LGALS3: variants seen among roughly 807,000 people sequenced by gnomAD.
The protein encoded by LGALS3 is galectin 3.
Under a neutral mutation model 20.7 loss-of-function variants are expected in LGALS3, and 18 were observed. That is an observed-to-expected ratio of 0.87 (90% confidence interval 0.60 to 1.29). The LOEUF (loss-of-function observed/expected upper bound fraction) is 1.29, where lower values mean the gene tolerates loss of function less well. Ranked by LOEUF, LGALS3 falls within the 50% of genes most tolerant of loss-of-function variation. The pLI, the probability that LGALS3 is intolerant of heterozygous loss-of-function variation, is 0.00. For synonymous variants in LGALS3, 112 were observed against 119.6 expected, an observed-to-expected ratio of 0.94 and a Z score of 0.42; for missense variants, 315 against 314.7, an observed-to-expected ratio of 1.00 and a Z score of -0.01.
intron 4 of LGALS3, among the ~76,000 whole-genome samples, chr14:55,141,850 A>C (rs1008884095): frequency 7.9e-5 from 12 of 152,204 alleles, no homozygotes; most frequent in Admixed American, 2.6e-4. Flanking sequence ...AAATACGAAT[A>C]CCTACTGATG....
In LGALS3 at chr14:55,145,159, A is replaced by G. The variant is rs1371483961; in HGVS notation, c.641A>G (p.Asn214Ser). 1 of 1,614,004 alleles carries G rather than the reference A, an allele frequency of 6.2e-7. No homozygotes were observed. The highest frequency in any genetic ancestry group is 1.1e-5 in the South Asian group (1 of 91,076). Residue 214 changes from asparagine to serine, a missense_variant, in exon 6 of 6, where the codon AAT becomes AGT. Transcript: ENST00000254301. ...VEPDHFKVAVNDAHLLQYNHR... is the reference protein window; with the variant it reads ...VEPDHFKVAVSDAHLLQYNHR... ...CCTGACCACTTCAAGGTTGCAGTGA[A>G]TGATGCTCACTTGTTGCAGTACAAT...
chr14:55,129,326 G>C lies in LGALS3; in HGVS notation c.-5+26G>C, dbSNP rs1881156344. ...GTGAGCTGCGCGGGGCGCGGGGGACGCGGCTCCGGCCGGGCAGGGGAGAGG... is the reference window on the plus strand; with the variant it reads ...GTGAGCTGCGCGGGGCGCGGGGGACCCGGCTCCGGCCGGGCAGGGGAGAGG... On this transcript the variant is annotated intron_variant, in intron 1 of 5. Transcript: ENST00000254301. This position sits in a 1 kb window ranked among gnomAD's most constrained non-coding sequence, Gnocchi z 5.3. 6.6e-6 allele frequency: 1 copy of C among 151,736 alleles called. No individual in the cohort carries two copies. Among genetic ancestry groups the C allele is most frequent in the African/African-American group, 2.4e-5 (1 of 41,384 alleles). 9.4% of individuals were successfully genotyped at this position (151,736 alleles called of 1,614,324 possible).
intron 4 of LGALS3, among the ~76,000 whole-genome samples, chr14:55,140,634 G>T (rs1027782608): frequency 6.6e-6 from 1 of 152,146 alleles, no homozygotes; most frequent in Admixed American, 6.5e-5. Context: ...TATTATGTCA[G>T]CTAATCTTCA....
chr14:55,133,887 T>G (rs569144889), intron 1 of LGALS3, among the ~76,000 whole-genome samples: 7 of 152,216 alleles, frequency 4.6e-5, no homozygotes, highest in Non-Finnish European at 1.0e-4. Context: ...TTGAATAGAG[T>G]TATGTTAGGA....
At chr14:55,142,481 C>A in intron 4 of LGALS3, 103 bp from the exon 5 acceptor site, 1 of 881,822 alleles carries the variant, frequency 1.1e-6, no homozygotes, top group Non-Finnish European at 1.7e-6. Context: ...TTCCTAGGTA[C>A]TGTATTATGA....
chr14:55,137,911 A>G (rs1433846159), intron 2 of LGALS3, 134 bp from the exon 3 acceptor site: 1 of 1,333,828 alleles, frequency 7.5e-7, no homozygotes, highest in Admixed American at 3.6e-5. Flanking sequence ...TAATAAGTGG[A>G]AAAAGTTTAA....
At chr14:55,137,489 A>C in intron 2 of LGALS3, 98 bp downstream of exon 2, 1 of 1,612,692 alleles carries the variant, frequency 6.2e-7, no homozygotes, top group South Asian at 1.1e-5. Flanking sequence ...TCACTCTCCC[A>C]CTGCGTGGCT....
At chr14:55,136,514 TA>T (rs1244326125) in intron 1 of LGALS3, among the ~76,000 whole-genome samples, 2 of 152,198 alleles carry the variant, frequency 1.3e-5, no homozygotes, top group African/African-American at 4.8e-5. Context: ...CTTCGGCTTT[TA>T]TTTTTTTTTA....
chr14:55,131,618 C>G (rs1297781299), intron 1 of LGALS3, among the ~76,000 whole-genome samples: 3 of 152,182 alleles, frequency 2.0e-5, no homozygotes, highest in Non-Finnish European at 4.4e-5. Flanking sequence ...CTCCTTGTGT[C>G]TGGTGCCTGA....
chr14:55,144,076 C>T (rs750130110), intron 5 of LGALS3, among the ~76,000 whole-genome samples: 2 of 151,920 alleles, frequency 1.3e-5, no homozygotes, highest in Non-Finnish European at 2.9e-5. Flanking sequence ...TATCATCAAT[C>T]CTTACAACAT....
intron 2 of LGALS3, 39 bp downstream of exon 2, chr14:55,137,430 C>T (rs1241969276): frequency 7.4e-6 from 12 of 1,614,030 alleles, no homozygotes; most frequent in African/African-American, 1.3e-5. Flanking sequence ...TTGATCAGCT[C>T]CACATGGTTG....
At chr14:55,138,472 T>C (rs1881503017) in intron 3 of LGALS3, 104 bp downstream of exon 3, 4 of 1,214,380 alleles carry the variant, frequency 3.3e-6, no homozygotes, top group Non-Finnish European at 4.8e-6. Flanking sequence ...GGGCCAGCCA[T>C]GGGTGTATGT....
rs1393696489 is a variant in LGALS3 at position 55,129,869 on chromosome 14, GCCCGGCC to G, written c.-5+572_-5+578del. ...CCTCCCGGGACCCACAGCTTGGCTG[GCCCGGCC>G]CCTTTTGAGCATCAGCTGAGGCTGG... On this transcript the variant is annotated intron_variant, in intron 1 of 5. Transcript: ENST00000254301. The surrounding 1 kb of genome is among the most constrained non-coding windows in gnomAD (Gnocchi z 5.3). 6.6e-6 allele frequency among the ~76,000 whole-genome samples: 1 copy of G among 152,216 alleles called. No individual in the cohort carries two copies. The highest frequency in any genetic ancestry group is 1.5e-5 in the Non-Finnish European group (1 of 68,040).
intron 1 of LGALS3, among the ~76,000 whole-genome samples, chr14:55,134,972 T>C (rs1032731123): frequency 3.3e-5 from 5 of 150,396 alleles, no homozygotes; most frequent in African/African-American, 1.2e-4. Context: ...CTGGGCAACA[T>C]AGTGAGACCC....
At chr14:55,133,071 TA>T (rs1414022325) in intron 1 of LGALS3, among the ~76,000 whole-genome samples, 1 of 152,230 alleles carries the variant, frequency 6.6e-6, no homozygotes, top group Non-Finnish European at 1.5e-5. Context: ...CAATCCTTTT[TA>T]AAAAATTTGT....
chr14:55,131,616 G>A (rs1881234195), intron 1 of LGALS3, among the ~76,000 whole-genome samples: 1 of 152,196 alleles, frequency 6.6e-6, no homozygotes, highest in Non-Finnish European at 1.5e-5. Flanking sequence ...AGCTCCTTGT[G>A]TCTGGTGCCT....
At chr14:55,137,311 A>G (rs1881432270) in intron 1 of LGALS3, 59 bp from the exon 2 acceptor site, 5 of 1,479,826 alleles carry the variant, frequency 3.4e-6, no homozygotes, top group South Asian at 2.3e-5. Context: ...GGTGAGGTTC[A>G]GTTTAATGGA....
chr14:55,142,609 AATG>A lies in LGALS3; in HGVS notation c.461_463del (p.Asp154del). 6.2e-7 allele frequency: 1 copy of A among 1,613,712 alleles called. No individual in the cohort carries two copies. The highest frequency in any genetic ancestry group is 8.5e-7 in the Non-Finnish European group (1 of 1,179,670). On this transcript the variant is annotated inframe_deletion, in exon 5 of 6. Transcript: ENST00000254301. Reference sequence around the variant, plus strand: ...AATTGCTTTAGATTTCCAAAGAGGGAATGATGTTGCCTTCCACTTTAACCCACG... The same window carrying A: ...AATTGCTTTAGATTTCCAAAGAGGGAATGTTGCCTTCCACTTTAACCCACG...
intron 1 of LGALS3, among the ~76,000 whole-genome samples, chr14:55,136,854 A>G (rs1384598805): frequency 8.0e-6 from 1 of 125,346 alleles, no homozygotes; most frequent in South Asian, 2.4e-4. Context: ...CTTCTATTCT[A>G]TATCTCTGTG....
Sources: allele counts gnomAD v4.1 joint callset (sites outside exome capture counted in the v4.1 genomes callset), GRCh38; gene constraint gnomAD v4.1.1; non-coding constraint Gnocchi (gnomAD v3.1); transcripts MANE v1.5; gene names NCBI Gene and HGNC (gene_info 2026-07-23, HGNC 2026-07-21).